Variants in LRRTM4 observed in about 807,000 individuals in gnomAD.
LRRTM4 encodes leucine-rich repeat transmembrane neuronal protein 4.
LRRTM4 carries 25 observed loss-of-function variants against 47.6 expected under a neutral mutation model. The ratio of observed to expected loss-of-function variants is 0.53; its 90% CI spans 0.38 to 0.73. The LOEUF is 0.73. Among genes scored for constraint, LRRTM4 ranks in the 30% least tolerant of loss-of-function variants. The pLI is 0.00. For missense variants in LRRTM4, 638 were observed against 713.4 expected (o/e 0.89, Z 1.20); for synonymous variants, 311 against 269.5 (o/e 1.15, Z -1.51).
chr2:77,330,114 A>T (rs555300547), intron 3 of LRRTM4, among the ~76,000 whole-genome samples: 6 of 152,266 alleles, frequency 3.9e-5, no homozygotes, highest in Admixed American at 3.3e-4. Context: ...TGGATGATAG[A>T]GTAACTGGCT....
chr2:77,144,294 G>A (rs1176655314), intron 3 of LRRTM4, among the ~76,000 whole-genome samples: 1 of 152,006 alleles, frequency 6.6e-6, no homozygotes, highest in African/African-American at 2.4e-5. Context: ...ACTAATACCT[G>A]AAAACTGCTT....
chr2:77,311,095 T>G (rs1677443656), intron 3 of LRRTM4, among the ~76,000 whole-genome samples: 2 of 152,054 alleles, frequency 1.3e-5, no homozygotes, highest in Admixed American at 1.3e-4. Context: ...AAATAGACTT[T>G]TAAAGTAGGA....
At chr2:76,776,115 C>A (rs868399669) in intron 3 of LRRTM4, among the ~76,000 whole-genome samples, 1 of 152,174 alleles carries the variant, frequency 6.6e-6, no homozygotes, top group Non-Finnish European at 1.5e-5. Flanking sequence ...GCATAGTATT[C>A]CACGGTGTAT....
intron 3 of LRRTM4, among the ~76,000 whole-genome samples, chr2:76,861,972 G>A (rs967172679): frequency 1.2e-4 from 19 of 152,116 alleles, no homozygotes; most frequent in South Asian, 4.2e-4. Flanking sequence ...TAAGGCATTC[G>A]TTGCCTGGAC....
intron 3 of LRRTM4, among the ~76,000 whole-genome samples, chr2:76,839,103 G>A (rs1349295081): frequency 6.6e-6 from 1 of 152,028 alleles, no homozygotes; most frequent in Non-Finnish European, 1.5e-5. Flanking sequence ...TTCTCCCAAG[G>A]ATATTTACCA....
intron 3 of LRRTM4, among the ~76,000 whole-genome samples, chr2:77,503,961 A>G (rs1678669484): frequency 6.6e-6 from 1 of 151,686 alleles, no homozygotes; most frequent in Non-Finnish European, 1.5e-5. Context: ...GACACATGAT[A>G]GTAGGTTGAA....
At chr2:77,385,727 T>C (rs934200503) in intron 3 of LRRTM4, among the ~76,000 whole-genome samples, 5 of 149,468 alleles carry the variant, frequency 3.3e-5, no homozygotes, top group Non-Finnish European at 5.9e-5. Context: ...AATATATTTA[T>C]GTAGTACATG....
At chr2:77,015,405 T>C (rs10190443) in intron 3 of LRRTM4, among the ~76,000 whole-genome samples, 84,925 of 151,872 alleles carry the variant, frequency 0.56, 26,089 homozygotes, top group African/African-American at 0.82. Context: ...GGTGCGATCT[T>C]AGCTCACTGC....
At chr2:77,419,596 A>C (rs944838336) in intron 3 of LRRTM4, among the ~76,000 whole-genome samples, 10 of 152,166 alleles carry the variant, frequency 6.6e-5, no homozygotes, top group African/African-American at 2.4e-4. Flanking sequence ...GATGCAATTT[A>C]TTTCTGAATA....
At chr2:76,970,164 T>C (rs189048082) in intron 3 of LRRTM4, among the ~76,000 whole-genome samples, 2 of 152,062 alleles carry the variant, frequency 1.3e-5, no homozygotes, top group Admixed American at 6.6e-5. Flanking sequence ...TGTAAAATGG[T>C]TCCAAAAACA....
intron 3 of LRRTM4, among the ~76,000 whole-genome samples, chr2:76,913,104 GTTAGCA>G (rs1674127284): frequency 6.6e-6 from 1 of 152,102 alleles, no homozygotes; most frequent in Non-Finnish European, 1.5e-5. Flanking sequence ...AATTTACTCT[GTTAGCA>G]TTACTGCTAT....
intron 3 of LRRTM4, among the ~76,000 whole-genome samples, chr2:77,250,305 T>C (rs925031484): frequency 6.6e-6 from 1 of 152,134 alleles, no homozygotes; most frequent in Non-Finnish European, 1.5e-5. Context: ...GTGATAATGA[T>C]TTTCTTTGTG....
At chr2:76,962,423 A>G (rs1675890373) in intron 3 of LRRTM4, among the ~76,000 whole-genome samples, 1 of 151,002 alleles carries the variant, frequency 6.6e-6, no homozygotes, top group Non-Finnish European at 1.5e-5. Context: ...TTGCATAACA[A>G]TATACTATCT....
chr2:77,354,019 T>G (rs1190320346), intron 3 of LRRTM4, among the ~76,000 whole-genome samples: 2 of 152,184 alleles, frequency 1.3e-5, no homozygotes, highest in African/African-American at 2.4e-5. Context: ...TGTAGTCATA[T>G]TTATACCCAC....
intron 3 of LRRTM4, among the ~76,000 whole-genome samples, chr2:77,207,208 GA>G (rs1208844174): frequency 7.7e-6 from 1 of 129,080 alleles, no homozygotes; most frequent in African/African-American, 3.2e-5. Context: ...ATGAAACCAG[GA>G]AAAATATATA....
intron 3 of LRRTM4, among the ~76,000 whole-genome samples, chr2:77,081,291 C>CACACACACAT (rs1342995493): frequency 6.8e-6 from 1 of 146,510 alleles, no homozygotes; most frequent in Non-Finnish European, 1.5e-5. Flanking sequence ...CACACACACA[C>CACACACACAT]ATAAATTTGT....
chr2:76,771,214 G>A (rs536506114), intron 3 of LRRTM4, among the ~76,000 whole-genome samples: 30 of 152,258 alleles, frequency 2.0e-4, no homozygotes, highest in African/African-American at 6.5e-4. Flanking sequence ...AATGATTAAA[G>A]GAAGAAAAAG....
At chr2:76,906,730 A>G (rs1673854536) in intron 3 of LRRTM4, among the ~76,000 whole-genome samples, 2 of 151,684 alleles carry the variant, frequency 1.3e-5, no homozygotes, top group South Asian at 2.1e-4. Context: ...TAAACCAACA[A>G]AGATCAAAAG....
intron 3 of LRRTM4, among the ~76,000 whole-genome samples, chr2:76,998,035 T>TA (rs1677265818): frequency 6.6e-6 from 1 of 152,042 alleles, no homozygotes; most frequent in Admixed American, 6.6e-5. Flanking sequence ...GATTATACAT[T>TA]ATGGTGAGTT....
Sources: allele counts gnomAD v4.1 joint callset (sites outside exome capture counted in the v4.1 genomes callset), GRCh38; gene constraint gnomAD v4.1.1; transcripts MANE v1.5; gene names NCBI Gene and HGNC (gene_info 2026-07-23, HGNC 2026-07-21).